Variants in HOMER2 observed in about 807,000 individuals in gnomAD.
The protein encoded by HOMER2 is homer protein homolog 2.
HOMER2 carries 27 observed loss-of-function variants against 47.0 expected under a neutral mutation model. The ratio of observed to expected loss-of-function variants is 0.57; its 90% confidence interval spans 0.42 to 0.79. HOMER2 has a LOEUF of 0.79. Among genes scored for constraint, HOMER2 ranks in the 30% least tolerant of loss-of-function variants. The pLI, the probability that HOMER2 is intolerant of heterozygous loss-of-function variation, is 0.00. For synonymous variants in HOMER2, 161 were observed against 163.8 expected (o/e 0.98, Z 0.13); for missense variants, 443 against 435.0 (o/e 1.02, Z -0.16).
downstream of HOMER2, among the ~76,000 whole-genome samples, chr15:82,847,828 C>T (rs1175816736): frequency 1.3e-5 from 2 of 152,168 alleles, no homozygotes; most frequent in Admixed American, 6.5e-5. Context: ...CCCCTTATCC[C>T]GCTGCTGGGC....
At chr15:82,972,046 G>A (rs77710103) in intron 1 of HOMER2, among the ~76,000 whole-genome samples, 5,223 of 152,162 alleles carry the variant, frequency 0.034, 273 homozygotes, top group African/African-American at 0.12. Flanking sequence ...TTTGCTCTTA[G>A]GTATAATTTA....
chr15:82,967,028 T>A (rs2054680662), intron 1 of HOMER2, among the ~76,000 whole-genome samples: 1 of 152,000 alleles, frequency 6.6e-6, no homozygotes, highest in African/African-American at 2.4e-5. Flanking sequence ...GAGGCCAAGG[T>A]GGGAGGATTG....
downstream of HOMER2, among the ~76,000 whole-genome samples, chr15:82,848,618 G>A (rs936468460): frequency 2.1e-4 from 32 of 152,174 alleles, no homozygotes; most frequent in African/African-American, 5.8e-4. Context: ...CTCTCCCCCC[G>A]AAATGCCTGT....
chr15:82,843,468 A>AAAAAAG (rs2051198531), exon 2 of HOMER2: 1 of 139,650 alleles, frequency 7.2e-6, no homozygotes, highest in African/African-American at 2.6e-5. Context: ...AAAAAAAAAA[A>AAAAAAG]AAAAGAATTG....
At chr15:82,863,076 G>T (rs1054117331) in intron 4 of HOMER2, among the ~76,000 whole-genome samples, 5 of 152,046 alleles carry the variant, frequency 3.3e-5, no homozygotes, top group African/African-American at 1.2e-4. Flanking sequence ...GTGCACCCGA[G>T]ACTGCAGCTA....
chr15:82,980,113 T>C (rs960778417), intron 1 of HOMER2, among the ~76,000 whole-genome samples: 4 of 152,132 alleles, frequency 2.6e-5, no homozygotes, highest in Admixed American at 6.6e-5. Context: ...TGTTTATATA[T>C]ATACACATAT....
intron 1 of HOMER2, among the ~76,000 whole-genome samples, chr15:82,899,415 G>A (rs1378414941): frequency 3.3e-5 from 5 of 152,312 alleles, no homozygotes; most frequent in South Asian, 4.1e-4. Context: ...AACAGGCTAC[G>A]CCAGCCAGCA....
chr15:82,932,193 G>A (rs915640217), intron 1 of HOMER2, among the ~76,000 whole-genome samples: 2 of 152,088 alleles, frequency 1.3e-5, no homozygotes, highest in African/African-American at 2.4e-5. Context: ...GCTCATTCCC[G>A]AGTAAGATGT....
At chr15:82,900,868 C>T (rs1014611771) in intron 1 of HOMER2, among the ~76,000 whole-genome samples, 4 of 152,160 alleles carry the variant, frequency 2.6e-5, no homozygotes, top group Admixed American at 2.6e-4. Context: ...ATTAACAAAC[C>T]TGATAAATTA....
At chr15:82,908,778 G>A (rs542781405) in intron 1 of HOMER2, among the ~76,000 whole-genome samples, 10 of 151,770 alleles carry the variant, frequency 6.6e-5, no homozygotes, top group African/African-American at 2.4e-4. Context: ...CATGGAGGAT[G>A]AAGGAGAAAA....
intron 1 of HOMER2, among the ~76,000 whole-genome samples, chr15:82,963,284 C>G (rs1190088837): frequency 6.6e-6 from 1 of 151,804 alleles, no homozygotes; most frequent in Non-Finnish European, 1.5e-5. Flanking sequence ...GATATGGGAT[C>G]TCCCTATGTT....
At chr15:82,882,559 C>A (rs2052556250) in intron 2 of HOMER2, among the ~76,000 whole-genome samples, 1 of 152,186 alleles carries the variant, frequency 6.6e-6, no homozygotes, top group Non-Finnish European at 1.5e-5. Flanking sequence ...AAACATTGTC[C>A]CGGGGAAGAA....
At chr15:82,856,825 C>G (rs1032779455) in intron 5 of HOMER2, among the ~76,000 whole-genome samples, 1 of 152,142 alleles carries the variant, frequency 6.6e-6, no homozygotes, top group African/African-American at 2.4e-5. Flanking sequence ...GGGGCCAACT[C>G]TGTGGCGGCT....
At chr15:82,960,613 A>C (rs2054622738) in intron 1 of HOMER2, among the ~76,000 whole-genome samples, 1 of 152,226 alleles carries the variant, frequency 6.6e-6, no homozygotes, top group African/African-American at 2.4e-5. Context: ...ACAAACAAAA[A>C]GCAATTAATA....
intron 7 of HOMER2, among the ~76,000 whole-genome samples, chr15:82,851,611 C>T (rs968591884): frequency 3.9e-5 from 6 of 152,068 alleles, no homozygotes; most frequent in Non-Finnish European, 7.4e-5. Context: ...AGGTGGCTGG[C>T]GCCGGGAGCT....
intron 4 of HOMER2, 65 bp downstream of exon 4, chr15:82,864,102 G>T: frequency 2.0e-6 from 2 of 1,013,666 alleles, no homozygotes; most frequent in South Asian, 1.5e-5. Flanking sequence ...GGCCAGAAGT[G>T]ACAAGGAACA....
intron 1 of HOMER2, among the ~76,000 whole-genome samples, chr15:82,915,584 G>A (rs779822759): frequency 5.3e-5 from 8 of 152,114 alleles, no homozygotes; most frequent in Non-Finnish European, 8.8e-5. Flanking sequence ...ATGGTGGCAC[G>A]TGCCTGTAGT....
At chr15:82,870,580 ATT>A (rs1432642608) in intron 3 of HOMER2, among the ~76,000 whole-genome samples, 3 of 152,248 alleles carry the variant, frequency 2.0e-5, no homozygotes, top group African/African-American at 7.2e-5. Context: ...TATCCCATGT[ATT>A]TAAGCACGGT....
chr15:82,958,535 A>T (rs910512722), exon 2 of HOMER2: 1 of 152,188 alleles, frequency 6.6e-6, no homozygotes, highest in Non-Finnish European at 1.5e-5. Context: ...TTGAAGTAGG[A>T]GGGTGGCATG....
Sources: gnomAD v4.1 joint callset for allele counts (sites outside exome capture counted in the v4.1 genomes callset) on GRCh38, gnomAD v4.1.1 for gene constraint, MANE v1.5 for transcripts, NCBI Gene and HGNC (gene_info 2026-07-23, HGNC 2026-07-21) for gene names.